The following TMEM158 variants were observed in gnomAD, a reference collection of about 807,000 sequenced individuals.
TMEM158 encodes 40 kDa BINP-binding protein.
TMEM158 carries 7 observed loss-of-function variants against 12.0 expected under a neutral mutation model. That is an observed-to-expected ratio of 0.59 (90% confidence interval 0.33 to 1.10). The LOEUF (loss-of-function observed/expected upper bound fraction) is 1.10. Ranked by LOEUF, TMEM158 falls within the 50% of genes least tolerant of loss-of-function variation. TMEM158 has a pLI of 0.03. For missense variants in TMEM158, 405 were observed against 454.7 expected (o/e 0.89, Z 0.99); for synonymous variants, 209 against 231.1 (o/e 0.90, Z 0.87).
chr3:45,226,066 G>T lies in TMEM158; in HGVS notation c.-39C>A. 1 of 984,268 alleles carries T rather than the reference G, an allele frequency of 1.0e-6. No homozygotes were observed. The highest frequency in any genetic ancestry group is 4.5e-5 in the South Asian group (1 of 22,076). 61.0% of individuals were successfully genotyped at this position (984,268 alleles called of 1,614,324 possible). The stretch of plus-strand genomic sequence containing the variant: ...CGCCTACGCGCGCGAGGCCGGCGGC[G>T]GTTGCATGGCGAGCGGGCGACGGGC... On this transcript the variant is annotated 5_prime_UTR_variant, in exon 1 of 1. Transcript: ENST00000503771.
rs1379952691 is a variant in TMEM158 at position 45,224,790 on chromosome 3, G to T, written c.*335C>A. 1.2e-5 allele frequency: 3 copies of T among 242,246 alleles called. No homozygotes were observed. The highest frequency in any genetic ancestry group is 5.6e-5 in the Admixed American group (1 of 17,978). 15.0% of individuals were successfully genotyped at this position (242,246 alleles called of 1,614,324 possible). ...ATTAAATATATAAAACAAATACACA[G>T]GATTTGGTCATTTTCTGCCATGAAT... On this transcript the variant is annotated 3_prime_UTR_variant, in exon 1 of 1. Coordinates refer to ENST00000503771, the MANE Select transcript of TMEM158 (RefSeq NM_015444.3).
Position 45,224,923 on chromosome 3 carries a change from C to T in TMEM158, c.*202G>A. The T allele has an allele frequency of 1.1e-6, 1 of 926,428 alleles. No individual in the cohort carries two copies. The highest frequency in any genetic ancestry group is 1.4e-6 in the Non-Finnish European group (1 of 722,196). 57.4% of individuals were successfully genotyped at this position (926,428 alleles called of 1,614,324 possible). On this transcript the variant is annotated 3_prime_UTR_variant, in exon 1 of 1. Coordinates refer to ENST00000503771, the MANE Select transcript of TMEM158 (RefSeq NM_015444.3). ...TCGGAGCTGCGATCCCACCCTCAGTCCAAGGGCTTAAACATCTGCTTTTCG... is the reference window on the plus strand; with the variant it reads ...TCGGAGCTGCGATCCCACCCTCAGTTCAAGGGCTTAAACATCTGCTTTTCG...
In TMEM158 at chr3:45,225,523, TGGCGGCGGCGGCGCTGGGGGCGGC is replaced by T; in HGVS notation, c.481_504del (p.Ala161_Ala168del). ...GGCAGCGCGGTGGGCGCCCCGGCGG[TGGCGGCGGCGGCGCTGGGGGCGGC>T]GGCGGGCCGGAGGCGGCCGGTGCGG... On this transcript the variant is annotated inframe_deletion, in exon 1 of 1. Coordinates refer to ENST00000503771, the MANE Select transcript of TMEM158 (RefSeq NM_015444.3). The surrounding 1 kb of genome is among the most constrained non-coding windows in gnomAD (Gnocchi z 5.7). 1.9e-6 allele frequency: 2 copies of T among 1,072,372 alleles called. No individual in the cohort carries two copies. Among genetic ancestry groups the T allele is most frequent in the Non-Finnish European group, 2.3e-6 (2 of 885,764 alleles). 66.4% of individuals were successfully genotyped at this position (1,072,372 alleles called of 1,614,324 possible). A position where few individuals can be genotyped will look rare whatever the true frequency, so the allele number is the denominator to read the frequency against.
chr3:45,224,888 C>A lies in TMEM158; in HGVS notation c.*237G>T. On this transcript the variant is annotated 3_prime_UTR_variant, in exon 1 of 1. Coordinates refer to ENST00000503771, the MANE Select transcript of TMEM158 (RefSeq NM_015444.3). ...GAGGGGAAAGGGCCCCATTTCCCTC[C>A]TCTCCGTCTTCGGAGCTGCGATCCC... 1.6e-6 allele frequency: 1 copy of A among 612,290 alleles called. No homozygotes were observed. Among genetic ancestry groups the A allele is most frequent in the Non-Finnish European group, 2.3e-6 (1 of 438,140 alleles). The allele number at this position is 612,290 out of a possible 1,614,324, so 37.9% of individuals were successfully genotyped here. A position where few individuals can be genotyped will look rare whatever the true frequency, so the allele number is the denominator to read the frequency against.
rs1700132948 is a variant in TMEM158, at chr3:45,224,575, A to AT, written c.*549dup. ...AACTTGGAAAAGGTTCATAAAGTTCATTTTCAGCGGTAACAATATATCGGT... is the reference window on the plus strand; with the variant it reads ...AACTTGGAAAAGGTTCATAAAGTTCATTTTTCAGCGGTAACAATATATCGGT... On this transcript the variant is annotated 3_prime_UTR_variant, in exon 1 of 1. Coordinates refer to ENST00000503771, the MANE Select transcript of TMEM158 (RefSeq NM_015444.3). The AT allele has an allele frequency of 6.5e-6, 1 of 152,676 alleles. No individual in the cohort carries two copies. 9.5% of individuals were successfully genotyped at this position (152,676 alleles called of 1,614,324 possible).
At position 45,225,164 on chromosome 3, in the gene TMEM158, G is replaced by GGCGGCA. The variant is rs1245865921; in HGVS notation, c.858_863dup (p.Ala291_Ala292dup). The GGCGGCA allele has an allele frequency of 3.2e-6, 4 of 1,264,486 alleles. No homozygotes were observed. Among genetic ancestry groups the GGCGGCA allele is most frequent in the Non-Finnish European group, 4.0e-6 (4 of 1,009,364 alleles). 78.3% of individuals were successfully genotyped at this position (1,264,486 alleles called of 1,614,324 possible). Reference sequence around the variant, plus strand: ...CCCCCGAAGTGACGGCCGCGGCGGCGGCGGCAGCGGCGGCGGCGGCGGCGG... The same window carrying GGCGGCA: ...CCCCCGAAGTGACGGCCGCGGCGGCGGCGGCAGCGGCAGCGGCGGCGGCGGCGGCGG... On this transcript the variant is annotated inframe_insertion, in exon 1 of 1. Coordinates refer to ENST00000503771, the MANE Select transcript of TMEM158 (RefSeq NM_015444.3). The surrounding 1 kb of genome is among the most constrained non-coding windows in gnomAD (Gnocchi z 5.7).
Position 45,225,808 on chromosome 3 carries a change from A to ACGG in TMEM158, c.217_219dup (p.Pro73dup), listed in dbSNP as rs1431965921. ...ATCTGCCGCTGCACGCTGATGTTGC[A>ACGG]CGGCGCCGCCGCCGCCGCCGCCTCC... On this transcript the variant is annotated inframe_insertion, in exon 1 of 1. Coordinates refer to ENST00000503771, the MANE Select transcript of TMEM158 (RefSeq NM_015444.3). The surrounding 1 kb of genome is among the most constrained non-coding windows in gnomAD (Gnocchi z 5.7). 7.3e-7 allele frequency: 1 copy of ACGG among 1,363,376 alleles called. No individual in the cohort carries two copies. The highest frequency in any genetic ancestry group is 9.5e-7 in the Non-Finnish European group (1 of 1,053,934). The allele number at this position is 1,363,376 out of a possible 1,614,324, so 84.5% of individuals were successfully genotyped here. A position where few individuals can be genotyped will look rare whatever the true frequency, so the allele number is the denominator to read the frequency against.
chr3:45,225,481 C>T lies in TMEM158; in HGVS notation c.547G>A (p.Glu183Lys), dbSNP rs1169617789. The change falls in exon 1 of 1, where the codon GAG (glutamate) becomes AAG (lysine). Residue 183 changes from glutamate (E) to lysine (K), a missense_variant. Coordinates refer to ENST00000503771, the MANE Select transcript of TMEM158 (RefSeq NM_015444.3). This position sits in a 1 kb window ranked among gnomAD's most constrained non-coding sequence, Gnocchi z 5.7. ...PTALPAYPAA[E>K]PPGPLWLQGE... Reference sequence around the variant, plus strand: ...TGCAGCCACAGCGGCCCGGGCGGCTCGGCCGCGGGGTAGGCTGGCAGCGCG... The same window carrying T: ...TGCAGCCACAGCGGCCCGGGCGGCTTGGCCGCGGGGTAGGCTGGCAGCGCG... 1.6e-6 allele frequency: 2 copies of T among 1,274,072 alleles called. No individual in the cohort carries two copies. The highest frequency in any genetic ancestry group is 1.0e-6 in the Non-Finnish European group (1 of 992,366). 78.9% of individuals were successfully genotyped at this position (1,274,072 alleles called of 1,614,324 possible). A position where few individuals can be genotyped will look rare whatever the true frequency, so the allele number is the denominator to read the frequency against.
Position 45,226,072 on chromosome 3 carries a change from A to T in TMEM158, c.-45T>A. 1 of 982,842 alleles carries T rather than the reference A, an allele frequency of 1.0e-6. No individual in the cohort carries two copies. The highest frequency in any genetic ancestry group is 1.2e-6 in the Non-Finnish European group (1 of 829,832). 60.9% of individuals were successfully genotyped at this position (982,842 alleles called of 1,614,324 possible). A position where few individuals can be genotyped will look rare whatever the true frequency, so the allele number is the denominator to read the frequency against. ...CGCGCGCGAGGCCGGCGGCGGTTGC[A>T]TGGCGAGCGGGCGACGGGCCGGCGA... On this transcript the variant is annotated 5_prime_UTR_variant, in exon 1 of 1. An upstream start codon of the reference 5' UTR is lost. Transcript: ENST00000503771.
rs898811347 is a variant in TMEM158, at chr3:45,225,170, AGCGGCG to A, written c.852_857del (p.Ala291_Ala292del). The A allele has an allele frequency of 1.2e-5, 15 of 1,263,152 alleles. No individual in the cohort carries two copies. The highest frequency in any genetic ancestry group is 1.5e-5 in the Non-Finnish European group (15 of 1,008,642). The allele number at this position is 1,263,152 out of a possible 1,614,324, so 78.2% of individuals were successfully genotyped here. On this transcript the variant is annotated inframe_deletion, in exon 1 of 1. Coordinates refer to ENST00000503771, the MANE Select transcript of TMEM158 (RefSeq NM_015444.3). This position sits in a 1 kb window ranked among gnomAD's most constrained non-coding sequence, Gnocchi z 5.7. ...AAGTGACGGCCGCGGCGGCGGCGGCAGCGGCGGCGGCGGCGGCGGCTGCGGTGGTCC... is the reference window on the plus strand; with the variant it reads ...AAGTGACGGCCGCGGCGGCGGCGGCAGCGGCGGCGGCGGCTGCGGTGGTCC...
At position 45,224,950 on chromosome 3, in the gene TMEM158, A is replaced by G; in HGVS notation, c.*175T>C. ...AAGGGCTTAAACATCTGCTTTTCGG[A>G]ACTGGAAGCGCAGCACAAACCTTGC... On this transcript the variant is annotated 3_prime_UTR_variant, in exon 1 of 1. Transcript: ENST00000503771. The G allele has an allele frequency of 9.2e-7, 1 of 1,086,964 alleles. No individual in the cohort carries two copies. Among genetic ancestry groups the G allele is most frequent in the Non-Finnish European group, 1.2e-6 (1 of 868,166 alleles). 67.3% of individuals were successfully genotyped at this position (1,086,964 alleles called of 1,614,324 possible). A position where few individuals can be genotyped will look rare whatever the true frequency, so the allele number is the denominator to read the frequency against.
Position 45,225,316 on chromosome 3 carries a change from C to A in TMEM158, c.712G>T (p.Val238Leu). Residue 238 changes from valine to leucine, a missense_variant, in exon 1 of 1, where the codon GTG (valine) becomes TTG (leucine). Transcript: ENST00000503771. The surrounding 1 kb of genome is among the most constrained non-coding windows in gnomAD (Gnocchi z 5.7). ...FMTLVIVVWS[V>L]AALIWPVPII... The stretch of plus-strand genomic sequence containing the variant: ...GGCACCGGCCAGATGAGGGCGGCCA[C>A]GCTCCACACCACGATGACCAGGGTC... 6.6e-7 allele frequency: 1 copy of A among 1,505,646 alleles called. No individual in the cohort carries two copies. The highest frequency in any genetic ancestry group is 8.9e-7 in the Non-Finnish European group (1 of 1,122,626). The allele number at this position is 1,505,646 out of a possible 1,614,324, so 93.3% of individuals were successfully genotyped here.
Position 45,226,034 on chromosome 3 carries a change from C to T in TMEM158, c.-7G>A. On this transcript the variant is annotated 5_prime_UTR_variant, in exon 1 of 1. Coordinates refer to ENST00000503771, the MANE Select transcript of TMEM158 (RefSeq NM_015444.3). The stretch of plus-strand genomic sequence containing the variant: ...CGGCGAGCAGGGGCAGCATGGCCTG[C>T]GGCGGGCGCCTACGCGCGCGAGGCC... 2 of 997,754 alleles carry T rather than the reference C, an allele frequency of 2.0e-6. No individual in the cohort carries two copies. Among genetic ancestry groups the T allele is most frequent in the Non-Finnish European group, 1.2e-6 (1 of 839,854 alleles). 61.8% of individuals were successfully genotyped at this position (997,754 alleles called of 1,614,324 possible).
chr3:45,226,249 G>A lies in TMEM158; in HGVS notation c.-222C>T, dbSNP rs1461206989. The stretch of plus-strand genomic sequence containing the variant: ...CCGGTTGCGTTTGGGGTTCCCCGCC[G>A]CCCCCGGCGCCGGGGCCCTTGGGCT... On this transcript the variant is annotated 5_prime_UTR_variant, in exon 1 of 1. Transcript: ENST00000503771. The A allele has an allele frequency of 2.2e-5, 8 of 369,880 alleles. 1 individual carries two copies. Among genetic ancestry groups the A allele is most frequent in the African/African-American group, 4.4e-5 (2 of 45,160 alleles). 22.9% of individuals were successfully genotyped at this position (369,880 alleles called of 1,614,324 possible). A position where few individuals can be genotyped will look rare whatever the true frequency, so the allele number is the denominator to read the frequency against.
In TMEM158 at chr3:45,225,773, C is replaced by A. The variant is rs999101362; in HGVS notation, c.255G>T (p.Ser85=). 1.8e-4 allele frequency: 251 copies of A among 1,423,322 alleles called. No homozygotes were observed. The highest frequency in any genetic ancestry group is 2.2e-4 in the Non-Finnish European group (238 of 1,083,098). The allele number at this position is 1,423,322 out of a possible 1,614,324, so 88.2% of individuals were successfully genotyped here. ...GCGGGCGGCCCCAGCGCACGAGCAG[C>A]GAGCTCAGCATCTGCCGCTGCACGC... ...NISVQRQMLS[S]LLVRWGRPRG... The change falls in exon 1 of 1, where the codon TCG becomes TCT. Residue 85 remains serine, a synonymous_variant. Coordinates refer to ENST00000503771, the MANE Select transcript of TMEM158 (RefSeq NM_015444.3). The surrounding 1 kb of genome is among the most constrained non-coding windows in gnomAD (Gnocchi z 5.7).
Position 45,224,883 on chromosome 3 carries a change from C to T in TMEM158, c.*242G>A, listed in dbSNP as rs1019630866. The stretch of plus-strand genomic sequence containing the variant: ...CAATAGAGGGGAAAGGGCCCCATTT[C>T]CCTCCTCTCCGTCTTCGGAGCTGCG... On this transcript the variant is annotated 3_prime_UTR_variant, in exon 1 of 1. Transcript: ENST00000503771. The T allele has an allele frequency of 3.5e-5, 20 of 573,130 alleles. 1 individual carries two copies. Among genetic ancestry groups the T allele is most frequent in the Middle Eastern group, 1.2e-3 (2 of 1,716 alleles). 35.5% of individuals were successfully genotyped at this position (573,130 alleles called of 1,614,324 possible).
Position 45,225,185 on chromosome 3 carries a change from G to A in TMEM158, c.843C>T (p.Ala281=), listed in dbSNP as rs1700144339. 1 of 1,268,188 alleles carries A rather than the reference G, an allele frequency of 7.9e-7. No homozygotes were observed. Among genetic ancestry groups the A allele is most frequent in the Non-Finnish European group, 9.9e-7 (1 of 1,010,906 alleles). 78.6% of individuals were successfully genotyped at this position (1,268,188 alleles called of 1,614,324 possible). A position where few individuals can be genotyped will look rare whatever the true frequency, so the allele number is the denominator to read the frequency against. The change falls in exon 1 of 1, where the codon GCC becomes GCT. Residue 281 remains alanine (A), a synonymous_variant. Transcript: ENST00000503771. This position sits in a 1 kb window ranked among gnomAD's most constrained non-coding sequence, Gnocchi z 5.7. ...AAVPAGTTAA[A]AAAAAAAAAA... Reference sequence around the variant, plus strand: ...CGGCGGCGGCAGCGGCGGCGGCGGCGGCGGCTGCGGTGGTCCCTGCGGGCA... The same window carrying A: ...CGGCGGCGGCAGCGGCGGCGGCGGCAGCGGCTGCGGTGGTCCCTGCGGGCA...
At position 45,226,139 on chromosome 3, in the gene TMEM158, C is replaced by A. The variant is rs893003335; in HGVS notation, c.-112G>T. Reference sequence around the variant, plus strand: ...CGGGAGCCGGCGGCCGGGCGCAGTGCGGGCGCGCCGGGCGCCTGCCAAGCC... The same window carrying A: ...CGGGAGCCGGCGGCCGGGCGCAGTGAGGGCGCGCCGGGCGCCTGCCAAGCC... On this transcript the variant is annotated 5_prime_UTR_variant, in exon 1 of 1. Transcript: ENST00000503771. 1 of 979,592 alleles carries A rather than the reference C, an allele frequency of 1.0e-6. No individual in the cohort carries two copies. Among genetic ancestry groups the A allele is most frequent in the African/African-American group, 1.8e-5 (1 of 56,744 alleles). The allele number at this position is 979,592 out of a possible 1,614,324, so 60.7% of individuals were successfully genotyped here.
chr3:45,226,185 G>C lies in TMEM158; in HGVS notation c.-158C>G, dbSNP rs1700158410. On this transcript the variant is annotated 5_prime_UTR_variant, in exon 1 of 1. Coordinates refer to ENST00000503771, the MANE Select transcript of TMEM158 (RefSeq NM_015444.3). ...AAGCCCGCAGGGGCGGCGCGGAGGCGGTGACGGCGGCTGGCTCGGCGCGGG... is the reference window on the plus strand; with the variant it reads ...AAGCCCGCAGGGGCGGCGCGGAGGCCGTGACGGCGGCTGGCTCGGCGCGGG... 2 of 928,664 alleles carry C rather than the reference G, an allele frequency of 2.2e-6. No homozygotes were observed. The highest frequency in any genetic ancestry group is 4.9e-5 in the South Asian group (1 of 20,342). The allele number at this position is 928,664 out of a possible 1,614,324, so 57.5% of individuals were successfully genotyped here. A position where few individuals can be genotyped will look rare whatever the true frequency, so the allele number is the denominator to read the frequency against.
Sources: allele counts gnomAD v4.1 joint callset, GRCh38; gene constraint gnomAD v4.1.1; non-coding constraint Gnocchi (gnomAD v3.1); transcripts MANE v1.5; gene names NCBI Gene and HGNC (gene_info 2026-07-23, HGNC 2026-07-21).